NAF1: variants seen among roughly 807,000 people sequenced by gnomAD.
The protein encoded by NAF1 is nuclear assembly factor 1 ribonucleoprotein, also known as H/ACA ribonucleoprotein complex non-core subunit NAF1.
NAF1 carries 11 observed loss-of-function variants against 40.6 expected under a neutral mutation model. The observed-to-expected ratio is 0.27, with a 90% CI of 0.17 to 0.45. The LOEUF (loss-of-function observed/expected upper bound fraction) is 0.45, where lower values mean the gene tolerates loss of function less well. Among genes scored for constraint, NAF1 ranks in the 20% least tolerant of loss-of-function variants. The pLI, the probability that NAF1 is intolerant of heterozygous loss-of-function variation, is 1.00. For missense variants in NAF1, 607 were observed against 611.1 expected, an observed-to-expected ratio of 0.99 and a Z score of 0.07; for synonymous variants, 260 against 228.5, an observed-to-expected ratio of 1.14 and a Z score of -1.24.
intron 2 of NAF1, among the ~76,000 whole-genome samples, chr4:163,115,333 C>T (rs1433450797): frequency 2.6e-5 from 4 of 151,604 alleles, no homozygotes; most frequent in Non-Finnish European, 5.9e-5. Flanking sequence ...CTCAGCCTCC[C>T]GAGTAGCTGG....
intron 4 of NAF1, chr4:163,144,034 G>C (rs1731363313): frequency 1.0e-6 from 1 of 975,582 alleles, no homozygotes; most frequent in Non-Finnish European, 1.2e-6. Context: ...ATATAATACA[G>C]AGTCCTCTAG....
chr4:163,104,937 T>A, the NAF1 span, among the ~76,000 whole-genome samples: 7 of 152,352 alleles, frequency 4.6e-5, no homozygotes, highest in South Asian at 1.4e-3. Flanking sequence ...TGGGAAATTA[T>A]GTTTCAGAAA....
chr4:163,117,256 A>G (rs1298709015), intron 2 of NAF1, among the ~76,000 whole-genome samples: 2 of 152,208 alleles, frequency 1.3e-5, no homozygotes, highest in Non-Finnish European at 2.9e-5. Flanking sequence ...TGTTCCCACC[A>G]TACCTTGTAC....
intron 4 of NAF1, among the ~76,000 whole-genome samples, chr4:163,141,735 G>C (rs1348346013): frequency 1.3e-5 from 2 of 152,118 alleles, no homozygotes; most frequent in Admixed American, 6.5e-5. Flanking sequence ...TTAACACTAA[G>C]GCATAAAAGT....
chr4:163,148,522 T>A (rs947123427), intron 2 of NAF1, 88 bp from the exon 3 acceptor site: 1 of 866,450 alleles, frequency 1.2e-6, no homozygotes, highest in Non-Finnish European at 1.8e-6. Context: ...GTGCTACACA[T>A]CTCTGAAAAT....
intron 2 of NAF1, among the ~76,000 whole-genome samples, chr4:163,117,217 C>G (rs1395085818): frequency 6.6e-6 from 1 of 152,094 alleles, no homozygotes; most frequent in Non-Finnish European, 1.5e-5. Flanking sequence ...CATCTGTACC[C>G]AAGGTGGAAT....
chr4:163,111,990 C>T (rs1730174692), intron 2 of NAF1, among the ~76,000 whole-genome samples: 1 of 152,090 alleles, frequency 6.6e-6, no homozygotes, highest in South Asian at 2.1e-4. Flanking sequence ...AGGGCAGTTT[C>T]CACTAATGGA....
At chr4:163,127,014 AC>A, downstream of NAF1, 2 of 1,551,628 alleles carry the variant, frequency 1.3e-6, no homozygotes, top group Non-Finnish European at 1.7e-6. Flanking sequence ...TAGCATGTAA[AC>A]GTAACTTTTA....
At chr4:163,114,408 C>T (rs1377567190) in intron 2 of NAF1, among the ~76,000 whole-genome samples, 1 of 152,180 alleles carries the variant, frequency 6.6e-6, no homozygotes, top group Non-Finnish European at 1.5e-5. Flanking sequence ...CTTCCTTGAT[C>T]AACTCGAATC....
chr4:163,105,207 C>T (rs533035948), downstream of NAF1, among the ~76,000 whole-genome samples: 11 of 152,218 alleles, frequency 7.2e-5, 1 homozygote, highest in South Asian at 2.1e-3. Flanking sequence ...TGATGCAAAT[C>T]TCAGCTCTGC....
At chr4:163,154,766 G>A (rs1490030615) in intron 2 of NAF1, among the ~76,000 whole-genome samples, 1 of 152,128 alleles carries the variant, frequency 6.6e-6, no homozygotes, top group African/African-American at 2.4e-5. Context: ...AGCTACTCAG[G>A]AGGCTGAGGC....
rs1327224292 is a variant in NAF1, at chr4:163,115,500, C to G, written c.115-5210G>C. On this transcript the variant is annotated intron_variant, in intron 2 of 2. Coordinates refer to the NAF1 transcript ENST00000509434. ...CGTGAGCCACCACACCCAGCCAGGA[C>G]AATAATTTTTTTGAAGCCGTTGCCA... Among the ~76,000 whole-genome samples, 3 of 151,968 alleles carry G rather than the reference C, an allele frequency of 2.0e-5. No homozygotes were observed. In the East Asian group the frequency reaches 5.8e-4, roughly 29 times the overall value.
chr4:163,134,366 C>T (rs1404569811), intron 6 of NAF1, among the ~76,000 whole-genome samples: 2 of 152,118 alleles, frequency 1.3e-5, no homozygotes, highest in Non-Finnish European at 2.9e-5. Context: ...ATCAAATCCT[C>T]CATGAACCAG....
intron 2 of NAF1, among the ~76,000 whole-genome samples, chr4:163,149,035 TTC>T (rs1006923060): frequency 6.6e-6 from 1 of 152,176 alleles, no homozygotes; most frequent in African/African-American, 2.4e-5. Flanking sequence ...GCCTGATACC[TTC>T]TCTCTCTAGG....
chr4:163,163,407 C>T (rs1732308936), intron 2 of NAF1, among the ~76,000 whole-genome samples: 2 of 151,996 alleles, frequency 1.3e-5, no homozygotes, highest in South Asian at 4.2e-4. Context: ...TAAACTATCT[C>T]ATCAATTTAA....
chr4:163,148,494 AT>A (rs1731566649), intron 2 of NAF1, 60 bp from the exon 3 acceptor site: 2 of 1,210,932 alleles, frequency 1.7e-6, no homozygotes, highest in Non-Finnish European at 2.3e-6. Flanking sequence ...CTTAAAAAAA[AT>A]AAATTTTCCA....
chr4:163,145,445 G>GT (rs1731423763), intron 4 of NAF1, among the ~76,000 whole-genome samples: 1 of 152,130 alleles, frequency 6.6e-6, no homozygotes, highest in Non-Finnish European at 1.5e-5. Flanking sequence ...CTATACTATG[G>GT]GAAGTCTTCT....
At chr4:163,166,173 G>A (rs551388267) in intron 1 of NAF1, among the ~76,000 whole-genome samples, 190 bp downstream of exon 1, 1 of 152,274 alleles carries the variant, frequency 6.6e-6, no homozygotes, top group South Asian at 2.1e-4. Context: ...GATTCACAAC[G>A]CGACCTGCTT....
intron 2 of NAF1, among the ~76,000 whole-genome samples, chr4:163,157,664 C>G (rs949222013): frequency 2.0e-5 from 3 of 152,002 alleles, no homozygotes; most frequent in Non-Finnish European, 4.4e-5. Context: ...AACCACACTT[C>G]TGGAATATCC....
Sources: gnomAD v4.1 joint callset for allele counts (sites outside exome capture counted in the v4.1 genomes callset) on GRCh38, gnomAD v4.1.1 for gene constraint, MANE v1.5 for transcripts, NCBI Gene and HGNC (gene_info 2026-07-23, HGNC 2026-07-21) for gene names.